PIK3CG: variants seen among roughly 807,000 people sequenced by gnomAD.
The protein encoded by PIK3CG is phosphatidylinositol 4,5-bisphosphate 3-kinase catalytic subunit gamma isoform.
PIK3CG carries 55 observed loss-of-function variants against 102.3 expected under a neutral mutation model. The ratio of observed to expected loss-of-function variants is 0.54; its 90% CI spans 0.43 to 0.67. The LOEUF is 0.67. Among genes scored for constraint, PIK3CG ranks in the 30% least tolerant of loss-of-function variants. The pLI is 0.00. For synonymous variants in PIK3CG, 552 were observed against 540.0 expected, an observed-to-expected ratio of 1.02 and a Z score of -0.31; for missense variants, 1,258 against 1,391.8, an observed-to-expected ratio of 0.90 and a Z score of 1.53.
At chr7:106,896,749 T>G (rs1281834431) in intron 10 of PIK3CG, among the ~76,000 whole-genome samples, 1 of 152,190 alleles carries the variant, frequency 6.6e-6, no homozygotes, top group African/African-American at 2.4e-5. Flanking sequence ...TGACGTTTAT[T>G]GAGCCTTCAC....
At position 106,872,841 on chromosome 7, in the gene PIK3CG, C is replaced by T. The variant is rs756127057; in HGVS notation, c.2190C>T (p.His730=). Residue 730 remains histidine, a synonymous_variant, in exon 4 of 11, where the codon CAC becomes CAT. Transcript: ENST00000496166. This position sits in a 1 kb window ranked among gnomAD's most constrained non-coding sequence, Gnocchi z 5.3. The stretch of plus-strand genomic sequence containing the variant: ...GGGGCTGTGGCACAGCCATGCTGCA[C>T]GACTTTACCCAACAAGTCCAAGTAA... The part of the protein sequence containing the change: ...YLRGCGTAML[H]DFTQQVQVIE... 1.2e-5 allele frequency: 20 copies of T among 1,614,014 alleles called. No homozygotes were observed. Among genetic ancestry groups the T allele is most frequent in the Middle Eastern group, 1.6e-4 (1 of 6,084 alleles).
At chr7:106,900,182 G>T (rs1314473306) in intron 10 of PIK3CG, among the ~76,000 whole-genome samples, 1 of 151,902 alleles carries the variant, frequency 6.6e-6, no homozygotes, top group East Asian at 1.9e-4. Context: ...TTTCTGTGGG[G>T]TCAGTAATAA....
In PIK3CG at chr7:106,868,477, G is replaced by A. The variant is rs769688408; in HGVS notation, c.916G>A (p.Val306Ile). Residue 306 changes from valine (V) to isoleucine (I), a missense_variant, in exon 2 of 11, where the codon GTA becomes ATA. This residue lies in a region of PIK3CG where 832 missense variants were observed against 787.5 expected (regional missense o/e 1.06). Coordinates refer to ENST00000496166, the MANE Select transcript of PIK3CG (RefSeq NM_001282426.2). The surrounding 1 kb of genome is among the most constrained non-coding windows in gnomAD (Gnocchi z 6.2). ...CAAGAACGGAGAAGAGATTCACGTG[G>A]TACTGGACACGCCTCCAGACCCGGC... ...CLKNGEEIHV[V>I]LDTPPDPALD... is the part of the protein sequence containing the mutation. The A allele has an allele frequency of 5.0e-6, 8 of 1,614,200 alleles. No individual in the cohort carries two copies. Among genetic ancestry groups the A allele is most frequent in the Non-Finnish European group, 6.8e-6 (8 of 1,180,034 alleles).
Position 106,867,478 on chromosome 7 carries a change from CCTCAT to C in PIK3CG, c.-12-67_-12-63del. On this transcript the variant is annotated intron_variant, in intron 1 of 10. Transcript: ENST00000496166. This position sits in a 1 kb window ranked among gnomAD's most constrained non-coding sequence, Gnocchi z 5.1. ...TGTACGCCGCCTATACCTCCTCTTC[CCTCAT>C]CTCACCAGAAAATATAAGGGGAAAG... 7.2e-7 allele frequency: 1 copy of C among 1,383,608 alleles called. No homozygotes were observed. The highest frequency in any genetic ancestry group is 9.8e-7 in the Non-Finnish European group (1 of 1,015,320). 85.7% of individuals were successfully genotyped at this position (1,383,608 alleles called of 1,614,324 possible).
chr7:106,884,307 A>AAT lies in PIK3CG; in HGVS notation c.2872+49_2872+50dup. The stretch of plus-strand genomic sequence containing the variant: ...GCAGAATAAACTTTTATTGTGGTAA[A>AAT]ATATATATAACATAACATTTACTAT... On this transcript the variant is annotated intron_variant, in intron 9 of 10. Coordinates refer to ENST00000496166, the MANE Select transcript of PIK3CG (RefSeq NM_001282426.2). The surrounding 1 kb of genome is among the most constrained non-coding windows in gnomAD (Gnocchi z 4.2). 8.1e-7 allele frequency: 1 copy of AAT among 1,231,504 alleles called. No individual in the cohort carries two copies. The highest frequency in any genetic ancestry group is 1.2e-6 in the Non-Finnish European group (1 of 834,950). 76.3% of individuals were successfully genotyped at this position (1,231,504 alleles called of 1,614,324 possible). A position where few individuals can be genotyped will look rare whatever the true frequency, so the allele number is the denominator to read the frequency against.
At position 106,883,263 on chromosome 7, in the gene PIK3CG, C is replaced by T. The variant is rs1244474566; in HGVS notation, c.2760+100C>T. ...TTCAGAGAATCTGCCAGTGTCTTGC[C>T]TCCTGACATATTAGTGAAGTTTTTT... is the stretch of plus-strand genomic sequence containing the variant. On this transcript the variant is annotated intron_variant, in intron 8 of 10. Transcript: ENST00000496166. The surrounding 1 kb of genome is among the most constrained non-coding windows in gnomAD (Gnocchi z 5.8). 37 of 1,243,980 alleles carry T rather than the reference C, an allele frequency of 3.0e-5. No homozygotes were observed. Among genetic ancestry groups the T allele is most frequent in the Non-Finnish European group, 3.7e-5 (32 of 869,906 alleles). 77.1% of individuals were successfully genotyped at this position (1,243,980 alleles called of 1,614,324 possible).
At chr7:106,873,166 G>C (rs1024722243) in intron 4 of PIK3CG, among the ~76,000 whole-genome samples, 1 of 152,174 alleles carries the variant, frequency 6.6e-6, no homozygotes, top group Non-Finnish European at 1.5e-5. Flanking sequence ...GAAAAATTAA[G>C]CAGCATTATG....
chr7:106,873,773 T>G (rs1450808089), intron 4 of PIK3CG, among the ~76,000 whole-genome samples: 3 of 151,786 alleles, frequency 2.0e-5, no homozygotes, highest in African/African-American at 7.3e-5. Context: ...CACACCACCT[T>G]CTCTCTCAAG....
Position 106,880,427 on chromosome 7 carries a change from ATACCTTTGCTT to A in PIK3CG, c.2538+764_2538+774del, listed in dbSNP as rs1221237529. The stretch of plus-strand genomic sequence containing the variant: ...ACTTATTTCTAATATAGAAACAGGA[ATACCTTTGCTT>A]TGCCTTTGCTTTGCCTTTGCTTTGC... On this transcript the variant is annotated intron_variant, in intron 6 of 10. Transcript: ENST00000496166. This position sits in a 1 kb window ranked among gnomAD's most constrained non-coding sequence, Gnocchi z 4.2. Among the ~76,000 whole-genome samples the A allele has an allele frequency of 6.6e-6, 1 of 150,816 alleles. No homozygotes were observed. The highest frequency in any genetic ancestry group is 6.6e-5 in the Admixed American group (1 of 15,122).
At position 106,896,158 on chromosome 7, in the gene PIK3CG, A is replaced by G. The variant is rs189702770; in HGVS notation, c.3031-8951A>G. On this transcript the variant is annotated intron_variant, in intron 10 of 10. Coordinates refer to ENST00000496166, the MANE Select transcript of PIK3CG (RefSeq NM_001282426.2). ...AAATAGCCTTCGAGAAAAGCAGGAC[A>G]GTTATTTCCTTTAACGCCTCTCCTT... Among the ~76,000 whole-genome samples, 19 of 152,352 alleles carry G rather than the reference A, an allele frequency of 1.2e-4. No individual in the cohort carries two copies. In the East Asian group the frequency reaches 3.3e-3, roughly 26 times the overall value.
In PIK3CG at chr7:106,908,517, A is replaced by G. The variant is rs1006809970; in HGVS notation, c.*3130A>G. 1.6e-4 allele frequency among the ~76,000 whole-genome samples: 25 copies of G among 152,234 alleles called. No individual in the cohort carries two copies. Among genetic ancestry groups the G allele is most frequent in the African/African-American group, 5.5e-4 (23 of 41,466 alleles). ...AAACCTAAGCAGATGTTGTAGACCT[A>G]GCCCCACAGGACTGCATTTAGCTGC... On this transcript the variant is annotated 3_prime_UTR_variant, in exon 11 of 11. Transcript: ENST00000496166. The surrounding 1 kb of genome is among the most constrained non-coding windows in gnomAD (Gnocchi z 4.1).
Position 106,871,130 on chromosome 7 carries a change from A to G in PIK3CG, c.1996-1407A>G, listed in dbSNP as rs189636846. ...ATTGAATTTGTGGTCTTAAATCTGA[A>G]GAAGAATAGTCATTTGTAAAACTAC... On this transcript the variant is annotated intron_variant, in intron 2 of 10. Coordinates refer to ENST00000496166, the MANE Select transcript of PIK3CG (RefSeq NM_001282426.2). Among the ~76,000 whole-genome samples, 47 of 152,346 alleles carry G rather than the reference A, an allele frequency of 3.1e-4. 1 individual carries two copies. In the East Asian group the frequency reaches 6.7e-3, roughly 22 times the overall value.
chr7:106,882,217 T>C lies in PIK3CG; in HGVS notation c.2629+10T>C. On this transcript the variant is annotated intron_variant, in intron 7 of 10. Coordinates refer to ENST00000496166, the MANE Select transcript of PIK3CG (RefSeq NM_001282426.2). ...ACTGGTGACAAAATAGGTATGTAGT[T>C]ACCTCAGGAGATGAATAGACCTCTC... 1 of 1,452,044 alleles carries C rather than the reference T, an allele frequency of 6.9e-7. No homozygotes were observed. The allele number at this position is 1,452,044 out of a possible 1,614,324, so 89.9% of individuals were successfully genotyped here.
Position 106,869,519 on chromosome 7 carries a change from A to C in PIK3CG, c.1958A>C (p.Asp653Ala). 6.2e-7 allele frequency: 1 copy of C among 1,613,668 alleles called. No individual in the cohort carries two copies. The stretch of plus-strand genomic sequence containing the variant: ...GTTCAGAAACTGGAGAGCTTGGAGG[A>C]CGATGATGTTCTGCATTACCTTCTA... ...IAVQKLESLE[D>A]DDVLHYLLQL... Residue 653 changes from aspartate to alanine, a missense_variant, in exon 2 of 11, where the codon GAC becomes GCC. Coordinates refer to ENST00000496166, the MANE Select transcript of PIK3CG (RefSeq NM_001282426.2). This position sits in a 1 kb window ranked among gnomAD's most constrained non-coding sequence, Gnocchi z 5.3.
intron 1 of PIK3CG, among the ~76,000 whole-genome samples, chr7:106,866,738 A>G (rs573465399): frequency 6.6e-6 from 1 of 152,376 alleles, no homozygotes; most frequent in East Asian, 1.9e-4. Context: ...GAATGCTGAC[A>G]AATTCCATGA....
rs2116550860 is a variant in PIK3CG at position 106,884,143 on chromosome 7, C to T, written c.2761-12C>T. 6.4e-7 allele frequency: 1 copy of T among 1,553,992 alleles called. No individual in the cohort carries two copies. On this transcript the variant is annotated splice_polypyrimidine_tract_variant and intron_variant, in intron 8 of 10. Coordinates refer to ENST00000496166, the MANE Select transcript of PIK3CG (RefSeq NM_001282426.2). The surrounding 1 kb of genome is among the most constrained non-coding windows in gnomAD (Gnocchi z 4.2). ...TTAGAAGACAACTAATATTCAAATG[C>T]ATTTTAATTAGTTTCAGGCAGCAGT...
In PIK3CG at chr7:106,894,257, CACAG is replaced by C. The variant is rs989890072; in HGVS notation, c.3030+7969_3030+7972del. 1.3e-5 allele frequency among the ~76,000 whole-genome samples: 2 copies of C among 152,122 alleles called. No homozygotes were observed. Among genetic ancestry groups the C allele is most frequent in the Non-Finnish European group, 2.9e-5 (2 of 68,012 alleles). On this transcript the variant is annotated intron_variant, in intron 10 of 10. Transcript: ENST00000496166. This position sits in a 1 kb window ranked among gnomAD's most constrained non-coding sequence, Gnocchi z 4.4. ...CTGAAGGATAAATCACACACACACACACAGACACACACACACACCCCTACGTGCA... is the reference window on the plus strand; with the variant it reads ...CTGAAGGATAAATCACACACACACACACACACACACACACCCCTACGTGCA...
rs1181925371 is a variant in PIK3CG, at chr7:106,902,623, A to AT, written c.3031-2478dup. Among the ~76,000 whole-genome samples the AT allele has an allele frequency of 1.3e-5, 2 of 148,778 alleles. No individual in the cohort carries two copies. The highest frequency in any genetic ancestry group is 6.7e-5 in the Admixed American group (1 of 14,950). On this transcript the variant is annotated intron_variant, in intron 10 of 10. Coordinates refer to ENST00000496166, the MANE Select transcript of PIK3CG (RefSeq NM_001282426.2). This position sits in a 1 kb window ranked among gnomAD's most constrained non-coding sequence, Gnocchi z 4.3. ...CTTTTTTTAATATTAATGAAGTTGC[A>AT]TTTTTTTTGTAGGTTTATCTGTTTT...
chr7:106,884,292 C>A lies in PIK3CG; in HGVS notation c.2872+26C>A, dbSNP rs779023548. The stretch of plus-strand genomic sequence containing the variant: ...GTGAGTTTATTTAGTGCAGAATAAA[C>A]TTTTATTGTGGTAAAATATATATAA... On this transcript the variant is annotated intron_variant, in intron 9 of 10. Transcript: ENST00000496166. This position sits in a 1 kb window ranked among gnomAD's most constrained non-coding sequence, Gnocchi z 4.2. 6 of 1,415,062 alleles carry A rather than the reference C, an allele frequency of 4.2e-6. No individual in the cohort carries two copies. The highest frequency in any genetic ancestry group is 6.0e-6 in the Non-Finnish European group (6 of 1,002,624). 87.7% of individuals were successfully genotyped at this position (1,415,062 alleles called of 1,614,324 possible).
Sources: allele counts gnomAD v4.1 joint callset (sites outside exome capture counted in the v4.1 genomes callset), GRCh38; gene constraint gnomAD v4.1.1; regional missense constraint gnomAD v4.1.1; non-coding constraint Gnocchi (gnomAD v3.1); transcripts MANE v1.5; gene names NCBI Gene and HGNC (gene_info 2026-07-23, HGNC 2026-07-21).